The following NEU3 variants were observed in gnomAD, a reference collection of about 807,000 sequenced individuals.
NEU3 encodes the protein sialidase-3.
NEU3 carries 10 observed loss-of-function variants against 11.4 expected under a neutral mutation model. The ratio of observed to expected loss-of-function variants is 0.88; its 90% CI spans 0.54 to 1.49. NEU3 has a LOEUF of 1.49. NEU3 is among the 40% of genes most tolerant of loss of function. The pLI is 0.00. For synonymous variants in NEU3, 212 were observed against 228.2 expected, an observed-to-expected ratio of 0.93 and a Z score of 0.64; for missense variants, 529 against 581.8, an observed-to-expected ratio of 0.91 and a Z score of 0.93.
At chr11:75,002,429 AG>A (rs1236990220) in intron 2 of NEU3, among the ~76,000 whole-genome samples, 1 of 152,248 alleles carries the variant, frequency 6.6e-6, no homozygotes, top group Non-Finnish European at 1.5e-5. Context: ...AAGTATAAAA[AG>A]ATATATATCT....
intron 3 of NEU3, among the ~76,000 whole-genome samples, chr11:75,016,565 T>C (rs148504663): frequency 2.8e-4 from 42 of 152,334 alleles, no homozygotes; most frequent in African/African-American, 1.0e-3. Flanking sequence ...TATTATTCCA[T>C]CCCCTAGCAT....
chr11:75,018,051 T>C (rs936282362), intron 3 of NEU3, among the ~76,000 whole-genome samples: 2 of 152,020 alleles, frequency 1.3e-5, no homozygotes, highest in African/African-American at 4.8e-5. Context: ...CCCTTCCCTC[T>C]CTCCTTCCTT....
downstream of NEU3, among the ~76,000 whole-genome samples, chr11:75,012,550 T>G (rs1041326464): frequency 6.6e-6 from 1 of 152,204 alleles, no homozygotes; most frequent in African/African-American, 2.4e-5. Flanking sequence ...TGACGGTAGA[T>G]AGTAGAGTAT....
In NEU3 at chr11:75,006,665, G is replaced by C; in HGVS notation, c.*173G>C. 1 of 702,200 alleles carries C rather than the reference G, an allele frequency of 1.4e-6. No homozygotes were observed. Among genetic ancestry groups the C allele is most frequent in the Non-Finnish European group, 2.3e-6 (1 of 438,494 alleles). The allele number at this position is 702,200 out of a possible 1,614,324, so 43.5% of individuals were successfully genotyped here. On this transcript the variant is annotated 3_prime_UTR_variant, in exon 3 of 3. Coordinates refer to ENST00000294064, the MANE Select transcript of NEU3 (RefSeq NM_006656.6). ...TTTGCCTTAGCTACTGCAGTGGAAA[G>C]AGCACTGAACTAGGAGTTGGAAGAC...
At chr11:75,015,711 G>T (rs1161636952), downstream of NEU3, among the ~76,000 whole-genome samples, 1 of 152,180 alleles carries the variant, frequency 6.6e-6, no homozygotes, top group Non-Finnish European at 1.5e-5. Context: ...GCCTCATGAG[G>T]TAGGAGGAAT....
Position 75,005,952 on chromosome 11 carries a change from G to T in NEU3, c.846G>T (p.Arg282Ser). 1.2e-6 allele frequency: 2 copies of T among 1,613,798 alleles called. No homozygotes were observed. Among genetic ancestry groups the T allele is most frequent in the Non-Finnish European group, 1.7e-6 (2 of 1,179,884 alleles). Residue 282 changes from arginine to serine, a missense_variant, in exon 3 of 3, where the codon AGG becomes AGT. Transcript: ENST00000294064. ...VLYCSARTPN[R>S]CRAEALSTDH... ...ATTGCAGTGCCCGGACACCAAACAG[G>T]TGCCGGGCAGAGGCGCTCAGCACTG...
chr11:75,005,995 C>T lies in NEU3; in HGVS notation c.889C>T (p.Gln297Ter). 1 of 1,613,974 alleles carries T rather than the reference C, an allele frequency of 6.2e-7. No homozygotes were observed. The highest frequency in any genetic ancestry group is 8.5e-7 in the Non-Finnish European group (1 of 1,179,892). The change falls in exon 3 of 3, where the codon CAG (glutamine) becomes TAG (stop). Residue 297 changes from glutamine to a stop codon, truncating the protein, a stop_gained. Transcript: ENST00000294064. LOFTEE classifies it low-confidence loss of function (END_TRUNC). Reference sequence around the variant, plus strand: ...CAGCACTGACCATGGTGAAGGCTTTCAGAGACTGGCCCTGAGTCGACAGCT... The same window carrying T: ...CAGCACTGACCATGGTGAAGGCTTTTAGAGACTGGCCCTGAGTCGACAGCT... ...ALSTDHGEGF[Q>*]RLALSRQLCE...
At chr11:74,991,681 C>T (rs1162016194) in intron 1 of NEU3, among the ~76,000 whole-genome samples, 1 of 152,224 alleles carries the variant, frequency 6.6e-6, no homozygotes, top group Non-Finnish European at 1.5e-5. Flanking sequence ...TTGCACTCCA[C>T]CTTACTGTAG....
At chr11:75,012,870 C>G (rs1948964632), downstream of NEU3, among the ~76,000 whole-genome samples, 1 of 152,214 alleles carries the variant, frequency 6.6e-6, no homozygotes, top group African/African-American at 2.4e-5. Context: ...AGCTGTGCAA[C>G]AGGCAGCGTA....
In NEU3 at chr11:75,006,140, G is replaced by T. The variant is rs1168847002; in HGVS notation, c.1034G>T (p.Gly345Val). 1.9e-6 allele frequency: 3 copies of T among 1,614,012 alleles called. No homozygotes were observed. The South Asian group carries it at 3.3e-5, about 18-fold the overall frequency. ...DAPTIQQSSP[G>V]SSLRLEEEAG... is the part of the protein sequence containing the mutation. ...CCCACCATTCAGCAGAGCTCTCCAG[G>T]CAGTTCACTGAGGCTGGAGGAGGAA... is the stretch of plus-strand genomic sequence containing the variant. The change falls in exon 3 of 3, where the codon GGC becomes GTC. Residue 345 changes from glycine (G) to valine (V), a missense_variant. Coordinates refer to ENST00000294064, the MANE Select transcript of NEU3 (RefSeq NM_006656.6).
At chr11:75,003,595 A>G (rs1948866957) in intron 2 of NEU3, among the ~76,000 whole-genome samples, 1 of 152,206 alleles carries the variant, frequency 6.6e-6, no homozygotes, top group African/African-American at 2.4e-5. Context: ...TTAAGAATAA[A>G]TTATGAAAAT....
chr11:75,000,221 TA>T (rs1001982800), intron 2 of NEU3, among the ~76,000 whole-genome samples: 81 of 151,070 alleles, frequency 5.4e-4, no homozygotes, highest in South Asian at 1.9e-3. Flanking sequence ...GTTATTCTTT[TA>T]AAAAAAAAAT....
At position 75,010,502 on chromosome 11, in the gene NEU3, C is replaced by A. The variant is rs1272077726; in HGVS notation, c.*4010C>A. The A allele has an allele frequency of 6.6e-6, 1 of 152,220 alleles. No individual in the cohort carries two copies. Among genetic ancestry groups the A allele is most frequent in the Non-Finnish European group, 1.5e-5 (1 of 68,044 alleles). 9.4% of individuals were successfully genotyped at this position (152,220 alleles called of 1,614,324 possible). On this transcript the variant is annotated 3_prime_UTR_variant, in exon 3 of 3. Transcript: ENST00000294064. ...TGTAGCATTCAAAACCTGCTGAACA[C>A]TCACCCTCAATGTATATTCTCTGTT...
downstream of NEU3, among the ~76,000 whole-genome samples, chr11:75,014,640 G>A (rs1471001170): frequency 1.3e-5 from 2 of 152,184 alleles, no homozygotes; most frequent in Non-Finnish European, 2.9e-5. Context: ...CACTTTGGGA[G>A]GCAAAGGTAG....
At chr11:74,988,910 C>T (rs2140230167), upstream of NEU3, 4 of 659,582 alleles carry the variant, frequency 6.1e-6, no homozygotes, top group Non-Finnish European at 1.1e-5. Context: ...CGCCTCTTTT[C>T]GTTGCCGTTA....
upstream of NEU3, among the ~76,000 whole-genome samples, chr11:74,983,297 T>C (rs1374129415): frequency 1.3e-5 from 2 of 152,046 alleles, no homozygotes; most frequent in African/African-American, 2.4e-5. Context: ...AGTTTATAAG[T>C]CTCCCATTCA....
At chr11:74,998,034 G>A (rs138360143) in intron 2 of NEU3, among the ~76,000 whole-genome samples, 125 of 152,242 alleles carry the variant, frequency 8.2e-4, no homozygotes, top group African/African-American at 2.7e-3. Flanking sequence ...AACACTTAGA[G>A]GCCATTGTAG....
chr11:74,987,344 A>G (rs1324180006), upstream of NEU3, among the ~76,000 whole-genome samples: 2 of 152,078 alleles, frequency 1.3e-5, no homozygotes, highest in East Asian at 3.9e-4. Context: ...TGGCCAGTGG[A>G]ATCACCTTCA....
At chr11:75,002,639 A>G (rs373646071) in intron 2 of NEU3, among the ~76,000 whole-genome samples, 153 of 152,336 alleles carry the variant, frequency 1.0e-3, no homozygotes, top group African/African-American at 3.5e-3. Flanking sequence ...TGTCAGCTCA[A>G]TGAGCCCTTA....
Sources: allele counts gnomAD v4.1 joint callset (sites outside exome capture counted in the v4.1 genomes callset), GRCh38; gene constraint gnomAD v4.1.1; transcripts MANE v1.5; gene names NCBI Gene and HGNC (gene_info 2026-07-23, HGNC 2026-07-21).